Variants in GPC6 observed in about 807,000 individuals in gnomAD.
GPC6 encodes the protein glypican-6.
A neutral mutation model predicts 55.2 loss-of-function variants in GPC6; 14 were observed. The ratio of observed to expected loss-of-function variants is 0.25; its 90% CI spans 0.17 to 0.40. The LOEUF is 0.40. Among genes scored for constraint, GPC6 ranks in the 10% least tolerant of loss-of-function variants. The probability of loss-of-function intolerance (pLI) is 1.00; values close to 1 mark genes in which losing one functional copy is unlikely to be tolerated. For synonymous variants in GPC6, 278 were observed against 259.6 expected (o/e 1.07, Z -0.68); for missense variants, 641 against 708.5 (o/e 0.90, Z 1.08).
intron 2 of GPC6, among the ~76,000 whole-genome samples, chr13:93,825,595 C>T (rs1167597128): frequency 2.6e-5 from 4 of 152,162 alleles, no homozygotes; most frequent in African/African-American, 9.7e-5. Flanking sequence ...TGTGGGTCTC[C>T]CTTCATTAAC....
intron 3 of GPC6, among the ~76,000 whole-genome samples, chr13:93,857,891 G>C (rs1404054959): frequency 6.6e-6 from 1 of 151,508 alleles, no homozygotes; most frequent in Non-Finnish European, 1.5e-5. Flanking sequence ...GGGTCAAAGA[G>C]AGGAATGATC....
chr13:93,370,576 G>A (rs1270228040), intron 1 of GPC6, among the ~76,000 whole-genome samples: 2 of 152,084 alleles, frequency 1.3e-5, no homozygotes, highest in African/African-American at 4.8e-5. Flanking sequence ...TTAATTCAGG[G>A]GTTCCATGAC....
intron 6 of GPC6, among the ~76,000 whole-genome samples, chr13:94,346,761 C>T (rs2139163215): frequency 6.6e-6 from 1 of 151,856 alleles, no homozygotes; most frequent in East Asian, 1.9e-4. Context: ...CCTATGTCAC[C>T]CTTTGGCGTG....
In GPC6 at chr13:93,346,614, G is replaced by A. The variant is rs144624941; in HGVS notation, c.160+118998G>A. ...CTGTTGCCCCAGTGTCTAAAGTAGC[G>A]TATGAATAAATTTGGGTGGAATAAA... On this transcript the variant is annotated intron_variant, in intron 1 of 8. Coordinates refer to ENST00000377047, the MANE Select transcript of GPC6 (RefSeq NM_005708.5). 7.0e-3 allele frequency among the ~76,000 whole-genome samples: 1,061 copies of A among 152,168 alleles called. 9 individuals carry two copies. The highest frequency in any genetic ancestry group is 0.024 in the African/African-American group (1,002 of 41,524).
intron 1 of GPC6, among the ~76,000 whole-genome samples, chr13:93,315,542 CTA>C (rs1262936821): frequency 6.6e-6 from 1 of 151,776 alleles, no homozygotes; most frequent in Non-Finnish European, 1.5e-5. Flanking sequence ...TAATGATTAA[CTA>C]TTTTTTTGAC....
intron 2 of GPC6, among the ~76,000 whole-genome samples, chr13:93,565,500 C>G (rs1876053624): frequency 6.6e-6 from 1 of 152,180 alleles, no homozygotes; most frequent in African/African-American, 2.4e-5. Flanking sequence ...TTGATCGTTT[C>G]TTCATTAGGA....
rs148512200 is a variant in GPC6 at position 94,395,986 on chromosome 13, C to T, written c.1290-2480C>T. On this transcript the variant is annotated intron_variant, in intron 7 of 8. Transcript: ENST00000377047. ...GAGGCAGCAGCTGGAGGTCAAGAGG[C>T]GGGACTAAAGGGGTCAGGGCATCCT... is the stretch of plus-strand genomic sequence containing the variant. Among the ~76,000 whole-genome samples the T allele has an allele frequency of 4.0e-3, 604 of 152,252 alleles. 5 individuals are homozygous for T. The highest frequency in any genetic ancestry group is 0.014 in the African/African-American group (561 of 41,548).
chr13:93,400,268 G>A (rs1376975238), intron 1 of GPC6, among the ~76,000 whole-genome samples: 1 of 146,960 alleles, frequency 6.8e-6, no homozygotes, highest in Non-Finnish European at 1.5e-5. Flanking sequence ...CTTCTCTTTT[G>A]TCCCTTTCTT....
At chr13:94,010,983 A>G (rs1163396583) in intron 3 of GPC6, among the ~76,000 whole-genome samples, 2 of 152,190 alleles carry the variant, frequency 1.3e-5, no homozygotes, top group Non-Finnish European at 2.9e-5. Context: ...CCAAGATGAT[A>G]TTAAAGTTTT....
At chr13:93,628,265 T>C (rs1169924336) in intron 2 of GPC6, among the ~76,000 whole-genome samples, 1 of 152,224 alleles carries the variant, frequency 6.6e-6, no homozygotes, top group African/African-American at 2.4e-5. Flanking sequence ...GTGTGGTGGC[T>C]TTCCAGGTTC....
At position 94,123,173 on chromosome 13, in the gene GPC6, T is replaced by A. The variant is rs183477373; in HGVS notation, c.877+95279T>A. 9.1e-4 allele frequency among the ~76,000 whole-genome samples: 139 copies of A among 152,162 alleles called. 1 individual carries two copies. Among genetic ancestry groups the A allele is most frequent in the African/African-American group, 2.7e-3 (112 of 41,548 alleles). On this transcript the variant is annotated intron_variant, in intron 4 of 8. Transcript: ENST00000377047. ...ATAGACAAAATACTATTAGTAAATA[T>A]TTAAGTATCAATATTTGAAAACGTT...
At chr13:93,474,670 T>A (rs1409256249) in intron 1 of GPC6, among the ~76,000 whole-genome samples, 1 of 152,216 alleles carries the variant, frequency 6.6e-6, no homozygotes, top group Non-Finnish European at 1.5e-5. Flanking sequence ...AATTCTGATC[T>A]TCTTCTCTAC....
chr13:94,023,574 A>T (rs1037620388), intron 3 of GPC6, among the ~76,000 whole-genome samples: 1 of 152,072 alleles, frequency 6.6e-6, no homozygotes, highest in East Asian at 1.9e-4. Flanking sequence ...GATTTCTTAC[A>T]AAACGAAACA....
In GPC6 at chr13:94,010,236, C is replaced by G. The variant is rs187687638; in HGVS notation, c.712-17493C>G. The stretch of plus-strand genomic sequence containing the variant: ...AAATTAGAAAGTCCTCATAAAACTT[C>G]CTTCAAAAAGGACTTGAAAAGATTA... On this transcript the variant is annotated intron_variant, in intron 3 of 8. Coordinates refer to ENST00000377047, the MANE Select transcript of GPC6 (RefSeq NM_005708.5). 2.4e-4 allele frequency among the ~76,000 whole-genome samples: 37 copies of G among 152,224 alleles called. No homozygotes were observed. The East Asian group carries it at 7.1e-3, about 29-fold the overall frequency.
At chr13:94,304,411 C>T (rs1221564149) in intron 5 of GPC6, among the ~76,000 whole-genome samples, 3 of 152,076 alleles carry the variant, frequency 2.0e-5, no homozygotes, top group Non-Finnish European at 4.4e-5. Context: ...ACATCATATG[C>T]GTGATGAAAA....
At chr13:94,166,679 A>G (rs567832782) in intron 4 of GPC6, among the ~76,000 whole-genome samples, 1 of 152,330 alleles carries the variant, frequency 6.6e-6, no homozygotes, top group African/African-American at 2.4e-5. Context: ...ACATCCTGAC[A>G]TAAATCATCA....
At chr13:93,687,250 T>G (rs547775343) in intron 2 of GPC6, among the ~76,000 whole-genome samples, 1 of 152,270 alleles carries the variant, frequency 6.6e-6, no homozygotes, top group East Asian at 1.9e-4. Context: ...TCTAATCAAT[T>G]CTGTCCCCCT....
chr13:93,522,174 G>T (rs9561383), intron 1 of GPC6, among the ~76,000 whole-genome samples: 19,832 of 151,764 alleles, frequency 0.13, 1,463 homozygotes, highest in East Asian at 0.29. Context: ...GGGTCTCTGC[G>T]CCTGTCATTA....
chr13:93,751,119 T>C (rs1330002896), intron 2 of GPC6, among the ~76,000 whole-genome samples: 4 of 152,050 alleles, frequency 2.6e-5, no homozygotes, highest in Non-Finnish European at 5.9e-5. Context: ...AATAGAGTGC[T>C]GTTTTGCAAG....
Sources: allele counts gnomAD v4.1 joint callset (sites outside exome capture counted in the v4.1 genomes callset), GRCh38; gene constraint gnomAD v4.1.1; transcripts MANE v1.5; gene names NCBI Gene and HGNC (gene_info 2026-07-23, HGNC 2026-07-21).